The following EGLN1 variants were observed in gnomAD, a reference collection of about 807,000 sequenced individuals.
The protein encoded by EGLN1 is egl-9 family hypoxia inducible factor 1, also known as egl nine homolog 1.
Under a neutral mutation model 38.3 loss-of-function variants are expected in EGLN1, and 17 were observed. The ratio of observed to expected loss-of-function variants is 0.44; its 90% CI spans 0.30 to 0.67. The LOEUF (loss-of-function observed/expected upper bound fraction) is 0.67. Ranked by LOEUF, EGLN1 falls within the 30% of genes least tolerant of loss-of-function variation. The pLI, the probability that EGLN1 is intolerant of heterozygous loss-of-function variation, is 0.08. For missense variants in EGLN1, 477 were observed against 603.3 expected (o/e 0.79, Z 2.19); for synonymous variants, 283 against 257.5 (o/e 1.10, Z -0.95).
chr1:231,383,646 A>C (rs1056991938), intron 1 of EGLN1, among the ~76,000 whole-genome samples: 3 of 152,192 alleles, frequency 2.0e-5, no homozygotes. Context: ...TGGAAGATGA[A>C]GTGCAGTGTG....
intron 1 of EGLN1, among the ~76,000 whole-genome samples, chr1:231,412,905 C>T (rs6677989): frequency 0.13 from 20,218 of 152,084 alleles, 1,529 homozygotes; most frequent in Non-Finnish European, 0.17. Flanking sequence ...TCATTCATGA[C>T]TCTTCCATTC....
In EGLN1 at chr1:231,422,197, C is replaced by T; in HGVS notation, c.-309G>A. The T allele has an allele frequency of 4.9e-6, 1 of 203,786 alleles. No individual in the cohort carries two copies. Among genetic ancestry groups the T allele is most frequent in the Non-Finnish European group, 9.7e-6 (1 of 102,852 alleles). The allele number at this position is 203,786 out of a possible 1,614,324, so 12.6% of individuals were successfully genotyped here. On this transcript the variant is annotated 5_prime_UTR_variant, in exon 1 of 5. Coordinates refer to ENST00000366641, the MANE Select transcript of EGLN1 (RefSeq NM_022051.3). ...GCGGGCCTGGGGAGCGCAAGACCGG[C>T]CCCCTCGGCCGCCGCCGCCGCCTCA... is the stretch of plus-strand genomic sequence containing the variant.
At chr1:231,384,434 A>G (rs965544109) in intron 1 of EGLN1, among the ~76,000 whole-genome samples, 10 of 151,506 alleles carry the variant, frequency 6.6e-5, no homozygotes, top group African/African-American at 2.2e-4. Context: ...TAGGGAATAT[A>G]ATGCTAGAAT....
chr1:231,415,482 G>A (rs1689056454), intron 1 of EGLN1, among the ~76,000 whole-genome samples: 1 of 151,984 alleles, frequency 6.6e-6, no homozygotes, highest in Non-Finnish European at 1.5e-5. Context: ...CAGGAAAAGT[G>A]GTTAGGTAAA....
chr1:231,369,972 A>AT (rs1276705635), intron 3 of EGLN1, among the ~76,000 whole-genome samples: 1 of 152,238 alleles, frequency 6.6e-6, no homozygotes, highest in Non-Finnish European at 1.5e-5. Context: ...AGCACTAAAT[A>AT]TAATAGGTTG....
chr1:231,399,899 T>C (rs1688622233), intron 1 of EGLN1, among the ~76,000 whole-genome samples: 1 of 152,078 alleles, frequency 6.6e-6, no homozygotes, highest in Admixed American at 6.6e-5. Context: ...ACAAGGGGAA[T>C]AACAACTTTC....
chr1:231,386,821 T>C (rs1305606748), intron 1 of EGLN1, among the ~76,000 whole-genome samples: 2 of 152,192 alleles, frequency 1.3e-5, no homozygotes, highest in African/African-American at 2.4e-5. Context: ...TACCATCCAT[T>C]GCTAAAGATT....
At chr1:231,388,716 G>A (rs1007934856) in intron 1 of EGLN1, among the ~76,000 whole-genome samples, 18 of 152,058 alleles carry the variant, frequency 1.2e-4, no homozygotes, top group Admixed American at 9.8e-4. Context: ...GTGCAATGGC[G>A]TGATCTCAGC....
intron 1 of EGLN1, among the ~76,000 whole-genome samples, chr1:231,409,088 A>G (rs185870970): frequency 7.0e-4 from 107 of 152,276 alleles, no homozygotes; most frequent in Middle Eastern, 6.8e-3. Context: ...AATGAGGAAC[A>G]AGAGACTAAT....
At chr1:231,414,424 A>C (rs1689024151) in intron 1 of EGLN1, among the ~76,000 whole-genome samples, 1 of 152,166 alleles carries the variant, frequency 6.6e-6, no homozygotes, top group Non-Finnish European at 1.5e-5. Flanking sequence ...CTGATGGGAG[A>C]GAAAAGGGAA....
intron 2 of EGLN1, among the ~76,000 whole-genome samples, chr1:231,372,164 G>A (rs1157554631): frequency 6.6e-6 from 1 of 152,104 alleles, no homozygotes; most frequent in Non-Finnish European, 1.5e-5. Context: ...GAATTAGGTG[G>A]CCCTCCTGTG....
chr1:231,393,309 T>A (rs1688440641), intron 1 of EGLN1, among the ~76,000 whole-genome samples: 1 of 152,204 alleles, frequency 6.6e-6, no homozygotes, highest in Admixed American at 6.5e-5. Flanking sequence ...TTTGTTTCGG[T>A]TATTTGCATC....
At chr1:231,420,091 G>A (rs915430626) in intron 1 of EGLN1, 4 of 152,092 alleles carry the variant, frequency 2.6e-5, no homozygotes, top group Non-Finnish European at 4.4e-5. Flanking sequence ...TCATGAGGGA[G>A]GAAAGAGGGA....
chr1:231,378,703 T>C (rs1688014384), intron 1 of EGLN1, among the ~76,000 whole-genome samples: 1 of 152,224 alleles, frequency 6.6e-6, no homozygotes, highest in Non-Finnish European at 1.5e-5. Context: ...GAGACATTTA[T>C]TTCTAGCATT....
At chr1:231,368,289 A>G (rs1423018685) in intron 3 of EGLN1, among the ~76,000 whole-genome samples, 1 of 152,208 alleles carries the variant, frequency 6.6e-6, no homozygotes, top group East Asian at 1.9e-4. Flanking sequence ...AGAAACAGAT[A>G]AAAGGACTCA....
At chr1:231,377,098 C>T (rs1687980338) in intron 1 of EGLN1, among the ~76,000 whole-genome samples, 1 of 152,184 alleles carries the variant, frequency 6.6e-6, no homozygotes, top group Admixed American at 6.5e-5. Flanking sequence ...TAAAAACAAC[C>T]ACAACAACCT....
intron 1 of EGLN1, among the ~76,000 whole-genome samples, chr1:231,387,857 A>G (rs1353742402): frequency 1.3e-5 from 2 of 152,134 alleles, no homozygotes; most frequent in East Asian, 3.9e-4. Context: ...ACCCACCAGA[A>G]CATCCATCTA....
chr1:231,415,270 TAAA>T (rs71777021), intron 1 of EGLN1, among the ~76,000 whole-genome samples: 21,903 of 134,994 alleles, frequency 0.16, 1,988 homozygotes, highest in African/African-American at 0.26. Context: ...CCCTGTCCTT[TAAA>T]AAAAAAAAAA....
rs1245803035 is a variant in EGLN1 at position 231,364,701 on chromosome 1, A to G, written c.*1710T>C. 5 of 152,252 alleles carry G rather than the reference A, an allele frequency of 3.3e-5. No individual in the cohort carries two copies. Among genetic ancestry groups the G allele is most frequent in the African/African-American group, 1.2e-4 (5 of 41,472 alleles). 9.4% of individuals were successfully genotyped at this position (152,252 alleles called of 1,614,324 possible). ...AAAGGTCTCAAATTGAATACAAACT[A>G]TACAGATGCTAAAAATGTCTTAAGT... On this transcript the variant is annotated 3_prime_UTR_variant, in exon 5 of 5. Transcript: ENST00000366641.
Sources: allele counts gnomAD v4.1 joint callset (sites outside exome capture counted in the v4.1 genomes callset), GRCh38; gene constraint gnomAD v4.1.1; transcripts MANE v1.5; gene names NCBI Gene and HGNC (gene_info 2026-07-23, HGNC 2026-07-21).